VPS54: variants seen among roughly 807,000 people sequenced by gnomAD.
VPS54 encodes vacuolar protein sorting-associated protein 54.
VPS54 carries 45 observed loss-of-function variants against 121.5 expected under a neutral mutation model. The observed-to-expected ratio is 0.37, with a 90% confidence interval of 0.29 to 0.47. The LOEUF (loss-of-function observed/expected upper bound fraction) is 0.47, where lower values mean the gene tolerates loss of function less well. Among genes scored for constraint, VPS54 ranks in the 20% least tolerant of loss-of-function variants. The probability of loss-of-function intolerance (pLI) is 0.99; values close to 1 mark genes in which losing one functional copy is unlikely to be tolerated. For synonymous variants in VPS54, 371 were observed against 385.8 expected (o/e 0.96, Z 0.45); for missense variants, 1,090 against 1,131.4 (o/e 0.96, Z 0.52).
At chr2:64,005,089 CTTTTTTTTTTTTTTTTTT>C (rs764515091) in intron 1 of VPS54, among the ~76,000 whole-genome samples, 22 of 44,130 alleles carry the variant, frequency 5.0e-4, no homozygotes, top group Non-Finnish European at 3.2e-4. Flanking sequence ...ACTATTGCTT[CTTTTTTTTTTTTTTTTTT>C]TTTTTTTTTT....
intron 12 of VPS54, among the ~76,000 whole-genome samples, chr2:63,927,883 C>T (rs1328841620): frequency 2.6e-5 from 4 of 151,860 alleles, no homozygotes; most frequent in African/African-American, 7.3e-5. Flanking sequence ...CTTCAATAGC[C>T]GATTCAATCA....
At chr2:63,991,313 CAT>C (rs775126532) in intron 1 of VPS54, among the ~76,000 whole-genome samples, 3 of 152,300 alleles carry the variant, frequency 2.0e-5, no homozygotes, top group East Asian at 1.9e-4. Flanking sequence ...TATTCTTTTT[CAT>C]ATGTTAGCTT....
intron 20 of VPS54, among the ~76,000 whole-genome samples, chr2:63,909,887 G>A (rs1292336484): frequency 6.6e-6 from 1 of 151,008 alleles, no homozygotes; most frequent in Non-Finnish European, 1.5e-5. Context: ...ACCACGCCTG[G>A]CTAATTTTTT....
chr2:63,985,718 C>G (rs923633506), intron 1 of VPS54, among the ~76,000 whole-genome samples: 9 of 142,406 alleles, frequency 6.3e-5, no homozygotes, highest in Non-Finnish European at 1.4e-4. Context: ...CACACACACA[C>G]AGTATAGTTA....
intron 1 of VPS54, among the ~76,000 whole-genome samples, chr2:64,008,178 C>T (rs72893103): frequency 0.13 from 19,784 of 151,918 alleles, 1,429 homozygotes; most frequent in Middle Eastern, 0.22. Context: ...TTTGGGAGGA[C>T]GAGGTGGTTA....
At chr2:63,920,328 TA>T in intron 14 of VPS54, 117 bp downstream of exon 14, 2 of 976,148 alleles carry the variant, frequency 2.0e-6, no homozygotes, top group Non-Finnish European at 2.7e-6. Flanking sequence ...TGCCTTTAAT[TA>T]AAAAAACCTT....
intron 12 of VPS54, 104 bp from the exon 13 acceptor site, chr2:63,921,439 T>C (rs1375165591): frequency 2.3e-6 from 3 of 1,305,772 alleles, no homozygotes; most frequent in Admixed American, 4.8e-5. Flanking sequence ...AAATTCACAT[T>C]TGAAGAAAAA....
intron 1 of VPS54, among the ~76,000 whole-genome samples, chr2:64,000,765 C>CT (rs1304822525): frequency 6.6e-6 from 1 of 152,164 alleles, no homozygotes; most frequent in African/African-American, 2.4e-5. Flanking sequence ...CTGCATGGGG[C>CT]TTGCAGCAGG....
intron 9 of VPS54, among the ~76,000 whole-genome samples, chr2:63,945,507 A>G (rs182369117): frequency 1.3e-4 from 20 of 152,312 alleles, no homozygotes; most frequent in African/African-American, 4.8e-4. Flanking sequence ...GTTTACTTAC[A>G]TAATAAACCT....
At chr2:63,905,696 T>G (rs1672877983) in intron 20 of VPS54, among the ~76,000 whole-genome samples, 1 of 152,122 alleles carries the variant, frequency 6.6e-6, no homozygotes, top group African/African-American at 2.4e-5. Flanking sequence ...CCAGTATTAC[T>G]CTGATACCAA....
chr2:63,918,839 C>G (rs1673503104), intron 15 of VPS54, among the ~76,000 whole-genome samples: 1 of 151,980 alleles, frequency 6.6e-6, no homozygotes, highest in Admixed American at 6.6e-5. Context: ...GTAGGCTATA[C>G]TTGTCTACCC....
At chr2:63,996,865 C>T (rs1007784154) in intron 1 of VPS54, among the ~76,000 whole-genome samples, 1 of 152,088 alleles carries the variant, frequency 6.6e-6, no homozygotes, top group Non-Finnish European at 1.5e-5. Flanking sequence ...CTTGCCCTGC[C>T]CATTTGCCTT....
chr2:63,995,885 C>G (rs1237680608), intron 1 of VPS54, among the ~76,000 whole-genome samples: 3 of 152,208 alleles, frequency 2.0e-5, no homozygotes, highest in Admixed American at 6.5e-5. Flanking sequence ...TGAAGTCTCT[C>G]AAGCTCATTT....
At chr2:63,985,800 C>T (rs1677024399) in intron 1 of VPS54, among the ~76,000 whole-genome samples, 1 of 152,036 alleles carries the variant, frequency 6.6e-6, no homozygotes, top group Admixed American at 6.6e-5. Context: ...GATGAAAATG[C>T]TATTTTGGGA....
At chr2:63,932,216 CT>C (rs1559001105) in intron 12 of VPS54, among the ~76,000 whole-genome samples, 1 of 152,080 alleles carries the variant, frequency 6.6e-6, no homozygotes, top group Non-Finnish European at 1.5e-5. Flanking sequence ...CGTATGTTTA[CT>C]GTGGGGACTA....
intron 1 of VPS54, among the ~76,000 whole-genome samples, chr2:64,009,182 C>T (rs1407497279): frequency 6.6e-6 from 1 of 152,224 alleles, no homozygotes; most frequent in African/African-American, 2.4e-5. Context: ...AGATCAATGA[C>T]TGAATCAATA....
At chr2:63,988,242 A>G (rs1677146284) in intron 1 of VPS54, among the ~76,000 whole-genome samples, 1 of 152,178 alleles carries the variant, frequency 6.6e-6, no homozygotes, top group South Asian at 2.1e-4. Context: ...GTTTAATTTT[A>G]TGACATGCTT....
intron 1 of VPS54, among the ~76,000 whole-genome samples, chr2:63,989,214 G>A (rs1441499314): frequency 1.3e-5 from 2 of 152,158 alleles, no homozygotes; most frequent in Admixed American, 6.5e-5. Context: ...GCGGGACCGG[G>A]AACCTCATTA....
chr2:63,905,440 A>G lies in VPS54; in HGVS notation c.2626-5859T>C, dbSNP rs183408597. Among the ~76,000 whole-genome samples, 11 of 152,254 alleles carry G rather than the reference A, an allele frequency of 7.2e-5. No individual in the cohort carries two copies. In the East Asian group the frequency reaches 1.3e-3, roughly 19 times the overall value. On this transcript the variant is annotated intron_variant, in intron 20 of 22. Coordinates refer to ENST00000272322, the MANE Select transcript of VPS54 (RefSeq NM_016516.3). Reference sequence around the variant, plus strand: ...TGCTTCCAAGTTAATAACAGATGAAATAGATAAATCCATTCAAAGAAACAA... The same window carrying G: ...TGCTTCCAAGTTAATAACAGATGAAGTAGATAAATCCATTCAAAGAAACAA...
Sources: gnomAD v4.1 joint callset for allele counts (sites outside exome capture counted in the v4.1 genomes callset) on GRCh38, gnomAD v4.1.1 for gene constraint, MANE v1.5 for transcripts, NCBI Gene and HGNC (gene_info 2026-07-23, HGNC 2026-07-21) for gene names.